The following FDXR variants were observed in gnomAD, a reference collection of about 807,000 sequenced individuals.
FDXR encodes the protein ferredoxin reductase, also known as NADPH:adrenodoxin oxidoreductase, mitochondrial.
In FDXR, 38 loss-of-function variants were observed where a neutral mutation model predicts 58.3. That is an observed-to-expected ratio of 0.65 (90% CI 0.50 to 0.85). The LOEUF (loss-of-function observed/expected upper bound fraction) is 0.85, where lower values mean the gene tolerates loss of function less well. Ranked by LOEUF, FDXR falls within the 40% of genes least tolerant of loss-of-function variation. The pLI is 0.00. For synonymous variants in FDXR, 275 were observed against 273.8 expected (o/e 1.00, Z -0.04); for missense variants, 624 against 671.0 (o/e 0.93, Z 0.77).
Position 74,864,319 on chromosome 17 carries a change from C to G in FDXR, c.831G>C (p.Thr277=). 6.3e-7 allele frequency: 1 copy of G among 1,579,562 alleles called. No individual in the cohort carries two copies. Among genetic ancestry groups the G allele is most frequent in the Non-Finnish European group, 8.6e-7 (1 of 1,160,210 alleles). The change falls in exon 9 of 12, where the codon ACG becomes ACC. Residue 277 remains threonine (T), a synonymous_variant. Transcript: ENST00000293195. ...CTGTGGCCGTTCGAAGCAGCAGTTC[C>G]GTCAGCCGCTTCCTCGGGCGGGGGA... ...KEVPRPRKRL[T]ELLLRTATEK... is the part of the protein sequence containing the mutation.
chr17:74,868,388 G>C, intron 2 of FDXR: 2 of 688,232 alleles, frequency 2.9e-6, no homozygotes, highest in South Asian at 3.1e-5. Context: ...GCAGCCCGGG[G>C]TGCAACCTAC....
chr17:74,872,058 T>C lies in FDXR; in HGVS notation c.155A>G (p.Tyr52Cys), dbSNP rs758620214. ...CVVGSGPAGFYTAQHLLKHPQ... is the reference protein window; with the variant it reads ...CVVGSGPAGFCTAQHLLKHPQ... ...TACCTTTAGCAGGTGTTGGGCCGTGTAGAAGCCAGCTGGGCCACTGCCCAC... is the reference window on the plus strand; with the variant it reads ...TACCTTTAGCAGGTGTTGGGCCGTGCAGAAGCCAGCTGGGCCACTGCCCAC... The change falls in exon 2 of 12, where the codon TAC (tyrosine) becomes TGC (cysteine). Residue 52 changes from tyrosine to cysteine, a missense_variant. By Grantham distance (194) the Tyr-to-Cys change is radical (BLOSUM62 -2). Transcript: ENST00000293195. 6.2e-6 allele frequency: 10 copies of C among 1,602,378 alleles called. No individual in the cohort carries two copies. Among genetic ancestry groups the C allele is most frequent in the South Asian group, 2.2e-5 (2 of 89,382 alleles).
chr17:74,866,739 G>A, intron 3 of FDXR, 45 bp downstream of exon 3: 1 of 1,608,836 alleles, frequency 6.2e-7, no homozygotes, highest in Non-Finnish European at 8.5e-7. Flanking sequence ...TCCTCATCTT[G>A]ACCAAAGTCT....
intron 2 of FDXR, among the ~76,000 whole-genome samples, chr17:74,869,639 G>A (rs690146): frequency 0.83 from 126,327 of 152,080 alleles, 53,106 homozygotes; most frequent in African/African-American, 0.95. Context: ...CCTCCAGACT[G>A]GGCATGGACC....
Position 74,869,825 on chromosome 17 carries a change from G to C in FDXR, c.177+2211C>G, listed in dbSNP as rs546967031. The C allele has an allele frequency of 6.9e-5, 27 of 390,424 alleles. No individual in the cohort carries two copies. In the East Asian group the frequency reaches 1.9e-3, roughly 27 times the overall value. The allele number at this position is 390,424 out of a possible 1,614,324, so 24.2% of individuals were successfully genotyped here. On this transcript the variant is annotated intron_variant, in intron 2 of 11. Transcript: ENST00000293195. ...CTGCGCCCAGAACATGTTACGTCCA[G>C]TAAATGATTACTGAATGGATTAACA...
Position 74,868,395 on chromosome 17 carries a change from C to G in FDXR, c.178-1519G>C. On this transcript the variant is annotated intron_variant, in intron 2 of 11. Coordinates refer to ENST00000293195, the MANE Select transcript of FDXR (RefSeq NM_024417.5). ...GTAATCAGGCAGCCCGGGGTGCAAC[C>G]TACTCTGAGTGTTCAATCAAGAAGA... is the stretch of plus-strand genomic sequence containing the variant. The G allele has an allele frequency of 1.1e-5, 8 of 697,072 alleles. No individual in the cohort carries two copies. In the South Asian group the frequency reaches 1.2e-4, roughly 11 times the overall value. 43.2% of individuals were successfully genotyped at this position (697,072 alleles called of 1,614,324 possible).
rs770439213 is a variant in FDXR at position 74,872,137 on chromosome 17, G to A, written c.80-4C>T. 1.2e-6 allele frequency: 2 copies of A among 1,604,726 alleles called. No individual in the cohort carries two copies. The highest frequency in any genetic ancestry group is 8.5e-7 in the Non-Finnish European group (1 of 1,175,158). The stretch of plus-strand genomic sequence containing the variant: ...GTGGAGAAATGGTGGCAGAAGCCTG[G>A]GGCCAGGCAGAGGAGAGGGAAAAGG... On this transcript the variant is annotated splice_region_variant and splice_polypyrimidine_tract_variant and intron_variant, in intron 1 of 11. Coordinates refer to ENST00000293195, the MANE Select transcript of FDXR (RefSeq NM_024417.5).
chr17:74,871,385 C>T (rs1423133506), intron 2 of FDXR, among the ~76,000 whole-genome samples: 2 of 152,238 alleles, frequency 1.3e-5, no homozygotes, highest in African/African-American at 4.8e-5. Flanking sequence ...CACTCCAAGC[C>T]TCTCCAAAGC....
intron 3 of FDXR, 97 bp from the exon 4 acceptor site, chr17:74,866,665 AG>A (rs1423520558): frequency 6.3e-7 from 1 of 1,593,762 alleles, no homozygotes; most frequent in Non-Finnish European, 8.6e-7. Context: ...CCAGGAGGGA[AG>A]CTGGGTGGCA....
rs1598508527 is a variant in FDXR, at chr17:74,862,702, C to G, written c.*115G>C. On this transcript the variant is annotated 3_prime_UTR_variant, in exon 12 of 12. Transcript: ENST00000293195. ...AGACGCTGGAAGAGCAGCCAAGCCT[C>G]CAAGCCAGGGCCGGCCGGGATCAGC... The G allele has an allele frequency of 7.1e-7, 1 of 1,400,532 alleles. No individual in the cohort carries two copies. The highest frequency in any genetic ancestry group is 2.4e-5 in the East Asian group (1 of 42,176). The allele number at this position is 1,400,532 out of a possible 1,614,324, so 86.8% of individuals were successfully genotyped here. A position where few individuals can be genotyped will look rare whatever the true frequency, so the allele number is the denominator to read the frequency against.
chr17:74,872,004 G>A (rs1598541916), intron 2 of FDXR, 32 bp downstream of exon 2: 1 of 1,486,332 alleles, frequency 6.7e-7, no homozygotes. Context: ...TGGAGCAGCA[G>A]GTGAATGATG....
rs1302990152 is a variant in FDXR, at chr17:74,866,818, C to A, written c.236G>T (p.Arg79Leu). ...GGGGTGATCAGGCGCCACACCAAAG[C>A]GCACCAGGCCAAAGGGCACAGGCTG... ...EKQPVPFGLV[R>L]FGVAPDHPEV... The change falls in exon 3 of 12, where the codon CGC becomes CTC. Residue 79 changes from arginine (R) to leucine (L), a missense_variant. Arg to Leu is a moderately radical substitution (Grantham distance 102). Transcript: ENST00000293195. 1.2e-5 allele frequency: 19 copies of A among 1,614,200 alleles called. No homozygotes were observed. The highest frequency in any genetic ancestry group is 1.6e-5 in the Non-Finnish European group (19 of 1,180,042).
intron 2 of FDXR, chr17:74,870,217 G>A (rs939795171): frequency 2.7e-5 from 7 of 256,186 alleles, no homozygotes; most frequent in Admixed American, 7.9e-5. Context: ...GAATACAGTC[G>A]TGCTAAGAAC....
chr17:74,862,782 C>T lies in FDXR; in HGVS notation c.*35G>A. ...CAGCCCTTCCCCTCCCAACACTCAT[C>T]CCTTCCCTGCTGGGGGCCGGGGCTG... On this transcript the variant is annotated 3_prime_UTR_variant, in exon 12 of 12. Transcript: ENST00000293195. 3.1e-6 allele frequency: 5 copies of T among 1,589,038 alleles called. No homozygotes were observed. In the South Asian group the frequency reaches 3.4e-5, roughly 11 times the overall value.
chr17:74,864,909 G>A lies in FDXR; in HGVS notation c.632C>T (p.Ala211Val), dbSNP rs2144653595. The A allele has an allele frequency of 6.2e-7, 1 of 1,614,114 alleles. No homozygotes were observed. The highest frequency in any genetic ancestry group is 1.1e-5 in the South Asian group (1 of 91,080). ...HLERTDITKA[A>V]LGVLRQSRVK... ...TCGACTCTGCCTCAGTACACCCAGGGCTGCCTTCGTGATGTCCGTTCTCTG... is the reference window on the plus strand; with the variant it reads ...TCGACTCTGCCTCAGTACACCCAGGACTGCCTTCGTGATGTCCGTTCTCTG... Residue 211 changes from alanine (A) to valine (V), a missense_variant, in exon 7 of 12, where the codon GCC becomes GTC. By Grantham distance (64) the Ala-to-Val change is moderately conservative. Coordinates refer to ENST00000293195, the MANE Select transcript of FDXR (RefSeq NM_024417.5).
At chr17:74,864,388 C>T (rs1172565584) in intron 8 of FDXR, 41 bp from the exon 9 acceptor site, 1 of 1,595,422 alleles carries the variant, frequency 6.3e-7, no homozygotes. Context: ...TCCCTGGGCC[C>T]CGGCCCTCTC....
Position 74,866,175 on chromosome 17 carries a change from G to A in FDXR, c.463C>T (p.Arg155Trp), listed in dbSNP as rs752675360. 1.2e-5 allele frequency: 19 copies of A among 1,613,834 alleles called. No homozygotes were observed. The highest frequency in any genetic ancestry group is 1.3e-5 in the Non-Finnish European group (15 of 1,179,990). Residue 155 changes from arginine (R) to tryptophan (W), a missense_variant, in exon 5 of 12, where the codon CGG (arginine) becomes TGG (tryptophan). Coordinates refer to ENST00000293195, the MANE Select transcript of FDXR (RefSeq NM_024417.5). ...GEELPGVCSARAFVGWYNGLP... is the reference protein window; with the variant it reads ...GEELPGVCSAWAFVGWYNGLP... ...CCGTTGTACCAGCCCACGAAGGCCC[G>A]GGCGGAGCACACACCTGGCAGCTCC...
At chr17:74,866,740 A>C (rs764069920) in intron 3 of FDXR, 44 bp downstream of exon 3, 140 of 1,609,556 alleles carry the variant, frequency 8.7e-5, no homozygotes, top group Non-Finnish European at 1.2e-4. Context: ...CCTCATCTTG[A>C]CCAAAGTCTC....
Position 74,862,878 on chromosome 17 carries a change from G to A in FDXR, c.1415C>T (p.Thr472Met), listed in dbSNP as rs1003869648. 14 of 1,613,002 alleles carry A rather than the reference G, an allele frequency of 8.7e-6. No individual in the cohort carries two copies. The highest frequency in any genetic ancestry group is 1.3e-5 in the African/African-American group (1 of 74,926). ...CACCAGCTTCTCCCTGGGCTTCCCC[G>A]TGCCCTGGCCCCGGGCCACCTCCTC... ...DAEEVARGQG[T>M]GKPREKLVDP... is the part of the protein sequence containing the mutation. Residue 472 changes from threonine (T) to methionine (M), a missense_variant, in exon 12 of 12, where the codon ACG (threonine) becomes ATG (methionine). Thr to Met is a moderately conservative substitution (Grantham distance 81). Transcript: ENST00000293195.
Sources: allele counts gnomAD v4.1 joint callset (sites outside exome capture counted in the v4.1 genomes callset), GRCh38; gene constraint gnomAD v4.1.1; transcripts MANE v1.5; gene names NCBI Gene and HGNC (gene_info 2026-07-23, HGNC 2026-07-21).